ARNT: variants seen among roughly 807,000 people sequenced by gnomAD.
The protein encoded by ARNT is aryl hydrocarbon receptor nuclear translocator.
A neutral mutation model predicts 105.0 loss-of-function variants in ARNT; 30 were observed. The observed-to-expected ratio is 0.29, with a 90% CI of 0.21 to 0.39. ARNT has a LOEUF of 0.39. Among genes scored for constraint, ARNT ranks in the 10% least tolerant of loss-of-function variants. The pLI, the probability that ARNT is intolerant of heterozygous loss-of-function variation, is 1.00. For synonymous variants in ARNT, 304 were observed against 344.0 expected (o/e 0.88, Z 1.29); for missense variants, 748 against 978.7 (o/e 0.76, Z 3.15).
At chr1:150,829,322 C>G (rs1395030875) in intron 11 of ARNT, 95 bp from the exon 12 acceptor site, 1 of 1,343,832 alleles carries the variant, frequency 7.4e-7, no homozygotes, top group Non-Finnish European at 1.0e-6. Context: ...ACATAAGATT[C>G]CCAGTTTTAG....
In ARNT at chr1:150,848,288, G is replaced by A. The variant is rs186422691; in HGVS notation, c.183-1981C>T. Among the ~76,000 whole-genome samples, 34 of 152,040 alleles carry A rather than the reference G, an allele frequency of 2.2e-4. No homozygotes were observed. The East Asian group carries it at 5.2e-3, about 23-fold the overall frequency. On this transcript the variant is annotated intron_variant, in intron 3 of 21. Coordinates refer to ENST00000358595, the MANE Select transcript of ARNT (RefSeq NM_001668.4). ...CTGGCCAACATGGCGAAACCTTGTC[G>A]CTACTAAAAGTACAAAAATTAGCCG...
At chr1:150,823,929 G>A (rs908325387) in intron 13 of ARNT, among the ~76,000 whole-genome samples, 1 of 146,186 alleles carries the variant, frequency 6.8e-6, no homozygotes, top group African/African-American at 2.5e-5. Context: ...TACAACCTCC[G>A]ACTCCCTGGT....
intron 18 of ARNT, 95 bp from the exon 19 acceptor site, chr1:150,816,501 T>C (rs918203831): frequency 5.0e-6 from 7 of 1,407,074 alleles, no homozygotes; most frequent in East Asian, 2.5e-5. Flanking sequence ...CTAGATCCCC[T>C]TGACTTCCTG....
intron 1 of ARNT, among the ~76,000 whole-genome samples, chr1:150,867,225 A>C (rs201395186): frequency 1.8e-4 from 27 of 151,080 alleles, no homozygotes; most frequent in East Asian, 1.6e-3. Flanking sequence ...ACAACAACAA[A>C]AAAAAACAGA....
chr1:150,829,330 T>C, intron 11 of ARNT, 103 bp from the exon 12 acceptor site: 1 of 1,267,552 alleles, frequency 7.9e-7, no homozygotes, highest in South Asian at 1.5e-5. Context: ...TTCCCAGTTT[T>C]AGGACTTTCT....
At chr1:150,855,258 A>G (rs1571428310) in intron 2 of ARNT, among the ~76,000 whole-genome samples, 1 of 152,324 alleles carries the variant, frequency 6.6e-6, no homozygotes, top group East Asian at 1.9e-4. Flanking sequence ...CGCAACCATT[A>G]AAAATTATGT....
At chr1:150,846,589 G>C (rs1662254016) in intron 3 of ARNT, among the ~76,000 whole-genome samples, 1 of 152,078 alleles carries the variant, frequency 6.6e-6, no homozygotes, top group South Asian at 2.1e-4. Context: ...CAATTCTAAA[G>C]TAAGGGGTTA....
intron 7 of ARNT, 105 bp downstream of exon 7, chr1:150,836,175 C>T: frequency 9.2e-7 from 1 of 1,083,304 alleles, no homozygotes; most frequent in Non-Finnish European, 1.3e-6. Context: ...TTCTTGAAGC[C>T]TTGCCAGAGT....
chr1:150,847,562 G>C, intron 3 of ARNT, among the ~76,000 whole-genome samples: 1 of 151,792 alleles, frequency 6.6e-6, no homozygotes, highest in East Asian at 1.9e-4. Flanking sequence ...ACCTCTCTTT[G>C]GATCTGCATG....
chr1:150,814,147 G>C lies in ARNT; in HGVS notation c.2043C>G (p.Leu681=), dbSNP rs775923893. ...QTPSSFSSMS[L]PGAPTASPGA... is the part of the protein sequence containing the mutation. ...CAGGCGATGCAGTTGGGGCACCAGG[G>C]AGGGACATGGAGCTGAAGGAGGATG... The change falls in exon 20 of 22, where the codon CTC becomes CTG. Residue 681 remains leucine, a synonymous_variant. Coordinates refer to ENST00000358595, the MANE Select transcript of ARNT (RefSeq NM_001668.4). 3 of 1,614,188 alleles carry C rather than the reference G, an allele frequency of 1.9e-6. No homozygotes were observed. The highest frequency in any genetic ancestry group is 1.7e-6 in the Non-Finnish European group (2 of 1,180,038).
intron 3 of ARNT, 87 bp from the exon 4 acceptor site, chr1:150,846,394 T>G (rs1662219555): frequency 3.0e-6 from 4 of 1,333,104 alleles, no homozygotes; most frequent in Middle Eastern, 1.9e-4. Context: ...GGGGTGAAAA[T>G]ATTCAATAGA....
chr1:150,844,762 A>C (rs1008570669), intron 4 of ARNT, among the ~76,000 whole-genome samples: 1 of 152,088 alleles, frequency 6.6e-6, no homozygotes, highest in Non-Finnish European at 1.5e-5. Context: ...AACAAATTTA[A>C]GTTTTTTTCA....
intron 11 of ARNT, chr1:150,829,512 T>C (rs901388360): frequency 1.7e-6 from 1 of 600,720 alleles, no homozygotes; most frequent in Non-Finnish European, 3.1e-6. Context: ...ATTACTCAGG[T>C]TGATATGGTA....
rs867613139 is a variant in ARNT, at chr1:150,837,830, T to A, written c.487-1337A>T. ...TTCTACCAGCAACTCAACATCAACA[T>A]CCCAAAACCTGAATCATTATTTCCC... On this transcript the variant is annotated intron_variant, in intron 6 of 21. Transcript: ENST00000358595. Among the ~76,000 whole-genome samples the A allele has an allele frequency of 5.1e-4, 77 of 151,654 alleles. 1 individual carries two copies. The highest frequency in any genetic ancestry group is 6.9e-3 in the Middle Eastern group (2 of 288).
At chr1:150,826,170 C>A (rs975264943) in intron 13 of ARNT, among the ~76,000 whole-genome samples, 11 of 152,186 alleles carry the variant, frequency 7.2e-5, no homozygotes, top group Non-Finnish European at 1.5e-4. Context: ...CTGCCTCAGC[C>A]TCCCAGAGTG....
intron 6 of ARNT, among the ~76,000 whole-genome samples, chr1:150,837,172 C>G (rs1465576739): frequency 1.3e-5 from 2 of 152,112 alleles, no homozygotes; most frequent in African/African-American, 4.8e-5. Flanking sequence ...TTCTCTCTTT[C>G]CCTTCAGGCC....
intron 4 of ARNT, 117 bp from the exon 5 acceptor site, chr1:150,842,585 AAAG>A (rs1661492227): frequency 2.5e-6 from 2 of 792,132 alleles, no homozygotes; most frequent in South Asian, 3.4e-5. Context: ...GGAGAAAAAA[AAAG>A]AAAAGGAGAA....
At chr1:150,845,104 C>G (rs1172052184) in intron 4 of ARNT, among the ~76,000 whole-genome samples, 1 of 152,066 alleles carries the variant, frequency 6.6e-6, no homozygotes. Flanking sequence ...GCCACCACTC[C>G]CCGCCTCTTA....
Position 150,817,476 on chromosome 1 carries a change from A to AT in ARNT, c.1506-44dup, listed in dbSNP as rs201943984. The AT allele has an allele frequency of 1.9e-4, 302 of 1,582,272 alleles. 2 individuals carry two copies. In the African/African-American group the frequency reaches 3.0e-3, roughly 16 times the overall value. ...GTTGACAAGACAAATAGAAAAAAAA[A>AT]TTTTTTTTAAAAAAGAATCTGGAGA... On this transcript the variant is annotated intron_variant, in intron 15 of 21. Coordinates refer to ENST00000358595, the MANE Select transcript of ARNT (RefSeq NM_001668.4).
Sources: gnomAD v4.1 joint callset for allele counts (sites outside exome capture counted in the v4.1 genomes callset) on GRCh38, gnomAD v4.1.1 for gene constraint, MANE v1.5 for transcripts, NCBI Gene and HGNC (gene_info 2026-07-23, HGNC 2026-07-21) for gene names.